MITD1: variants seen among roughly 807,000 people sequenced by gnomAD.
The protein encoded by MITD1 is microtubule interacting and trafficking domain containing 1, also known as MIT domain-containing protein 1.
A neutral mutation model predicts 34.9 loss-of-function variants in MITD1; 24 were observed. The observed-to-expected ratio is 0.69, with a 90% CI of 0.50 to 0.97. The LOEUF (loss-of-function observed/expected upper bound fraction) is 0.97, where lower values mean the gene tolerates loss of function less well. Ranked by LOEUF, MITD1 falls within the 50% of genes least tolerant of loss-of-function variation. MITD1 has a pLI of 0.00. For synonymous variants in MITD1, 102 were observed against 101.4 expected (o/e 1.01, Z -0.04); for missense variants, 266 against 294.6 (o/e 0.90, Z 0.71).
chr2:99,180,615 C>CTA (rs887496876), intron 1 of MITD1: 1 of 498,190 alleles, frequency 2.0e-6, no homozygotes, highest in Admixed American at 3.6e-5. Context: ...CTTTTAAAAT[C>CTA]TAGACTAGTA....
chr2:99,174,002 T>A lies in MITD1; in HGVS notation c.166A>T (p.Thr56Ser). The A allele has an allele frequency of 6.5e-7, 1 of 1,541,538 alleles. No homozygotes were observed. The highest frequency in any genetic ancestry group is 1.7e-5 in the Admixed American group (1 of 58,368). The change falls in exon 2 of 7, where the codon ACT becomes TCT. Residue 56 changes from threonine (T) to serine (S), a missense_variant. Transcript: ENST00000289359. Reference protein sequence around the residue: ...LQVLKGTKDNTKRCNLREKIS... With the variant: ...LQVLKGTKDNSKRCNLREKIS... ...TTTTCTCTGAGATTACATCTCTTAG[T>A]ATTATCTTTGGTACCTACAAATTTA... is the stretch of plus-strand genomic sequence containing the variant.
chr2:99,171,917 G>C (rs1361654622), intron 2 of MITD1: 3 of 378,294 alleles, frequency 7.9e-6, no homozygotes, highest in Non-Finnish European at 1.4e-5. Flanking sequence ...ACAGGTCCTT[G>C]AGCAAGATCC....
Position 99,181,058 on chromosome 2 carries a change from T to C in MITD1, c.-77A>G. ...GCTGCGCTTCCGGGAAGTGGTCATG[T>C]GATACCCAGGCGCCTGCGCTCTCTT... On this transcript the variant is annotated 5_prime_UTR_variant, in exon 1 of 7. Transcript: ENST00000289359. 6.6e-7 allele frequency: 1 copy of C among 1,517,584 alleles called. No homozygotes were observed. 94.0% of individuals were successfully genotyped at this position (1,517,584 alleles called of 1,614,324 possible). A position where few individuals can be genotyped will look rare whatever the true frequency, so the allele number is the denominator to read the frequency against.
Position 99,162,928 on chromosome 2 carries a change from G to C in MITD1, c.*4-710C>G, listed in dbSNP as rs201441847. 6.8e-6 allele frequency: 11 copies of C among 1,613,676 alleles called. No homozygotes were observed. In the East Asian group the frequency reaches 1.3e-4, roughly 20 times the overall value. On this transcript the variant is annotated intron_variant, in intron 7 of 7. Transcript: ENST00000422537. Reference sequence around the variant, plus strand: ...GATCATTGGTTGCCATTGGAAATACGTGACAAATTAAATTCAAGTCTTATT... The same window carrying C: ...GATCATTGGTTGCCATTGGAAATACCTGACAAATTAAATTCAAGTCTTATT...
chr2:99,174,459 GTTA>G (rs1254244141), intron 1 of MITD1, among the ~76,000 whole-genome samples: 1 of 152,104 alleles, frequency 6.6e-6, no homozygotes, highest in Admixed American at 6.5e-5. Flanking sequence ...CCACAAAAAT[GTTA>G]TTTTTGAATA....
At chr2:99,168,813 T>C (rs2093838996), downstream of MITD1, among the ~76,000 whole-genome samples, 1 of 151,980 alleles carries the variant, frequency 6.6e-6, no homozygotes, top group Non-Finnish European at 1.5e-5. Flanking sequence ...AGGGTCTGGC[T>C]CTGTCACCCA....
In MITD1 at chr2:99,171,294, G is replaced by T. The variant is rs775636887; in HGVS notation, c.477+49C>A. 1.4e-5 allele frequency: 20 copies of T among 1,384,640 alleles called. No homozygotes were observed. In the Admixed American group the frequency reaches 3.2e-4, roughly 22 times the overall value. The allele number at this position is 1,384,640 out of a possible 1,614,324, so 85.8% of individuals were successfully genotyped here. ...GTTCTCCTTGACTGGACTACATCTT[G>T]TAACTGAATAAAGTTAATAAGAAAG... On this transcript the variant is annotated intron_variant, in intron 4 of 6. Transcript: ENST00000289359.
downstream of MITD1, chr2:99,161,839 AGCAACT>A (rs2093795225): frequency 3.6e-6 from 3 of 842,642 alleles, no homozygotes. Context: ...AAAAGCCAAA[AGCAACT>A]GCACTGGATA....
rs148494673 is a variant in MITD1, at chr2:99,164,120, A to G, written c.*4-1902T>C. Among the ~76,000 whole-genome samples the G allele has an allele frequency of 6.6e-3, 1,007 of 152,206 alleles. 13 individuals carry two copies. The highest frequency in any genetic ancestry group is 0.023 in the African/African-American group (975 of 41,524). ...CCCAATTTGATATTTATAATTTTCA[A>G]CTTATGTATCTTTCTGCTGGTGTCA... is the stretch of plus-strand genomic sequence containing the variant. On this transcript the variant is annotated intron_variant, in intron 7 of 7. Transcript: ENST00000422537.
Position 99,169,549 on chromosome 2 carries a change from C to T in MITD1, c.654+1G>A, listed in dbSNP as rs956052372. ...CATTTACTCATAAGATTATATCCTA[C>T]CTGTGGTTTCTTAAAATAATCAAGT... is the stretch of plus-strand genomic sequence containing the variant. On this transcript the variant is annotated splice_donor_variant, in intron 6 of 6. Coordinates refer to ENST00000289359, the MANE Select transcript of MITD1 (RefSeq NM_138798.3). LOFTEE classifies it high-confidence loss of function. 1.2e-6 allele frequency: 2 copies of T among 1,608,022 alleles called. No individual in the cohort carries two copies. The highest frequency in any genetic ancestry group is 2.2e-5 in the East Asian group (1 of 44,756).
At chr2:99,167,968 C>G (rs1020837593), downstream of MITD1, among the ~76,000 whole-genome samples, 1 of 152,178 alleles carries the variant, frequency 6.6e-6, no homozygotes, top group African/African-American at 2.4e-5. Flanking sequence ...AAGGCTTGCC[C>G]AAGACCACTC....
At chr2:99,170,760 A>C (rs1348540450) in intron 4 of MITD1, 108 bp from the exon 5 acceptor site, 1 of 537,584 alleles carries the variant, frequency 1.9e-6, no homozygotes, top group African/African-American at 1.9e-5. Context: ...GAAATGTTCT[A>C]TACTAGTTTC....
intron 7 of MITD1, among the ~76,000 whole-genome samples, chr2:99,163,625 G>A (rs1419134817): frequency 1.3e-5 from 2 of 152,106 alleles, no homozygotes; most frequent in Non-Finnish European, 2.9e-5. Context: ...ACCATGCCCT[G>A]TCTGTTCATT....
At chr2:99,178,044 GTACTC>G (rs1325519697) in intron 1 of MITD1, among the ~76,000 whole-genome samples, 2 of 152,186 alleles carry the variant, frequency 1.3e-5, no homozygotes, top group Non-Finnish European at 2.9e-5. Flanking sequence ...TGGCTGAACA[GTACTC>G]TACTGTATAT....
chr2:99,168,162 A>G (rs1559175484), downstream of MITD1, among the ~76,000 whole-genome samples: 1 of 151,914 alleles, frequency 6.6e-6, no homozygotes, highest in Non-Finnish European at 1.5e-5. Context: ...TTATTTTGAG[A>G]TGGAGTTTTA....
chr2:99,168,610 A>G (rs2093837649), downstream of MITD1, among the ~76,000 whole-genome samples: 2 of 152,362 alleles, frequency 1.3e-5, no homozygotes, highest in African/African-American at 4.8e-5. Context: ...TGCCAGCCAA[A>G]GTGAATGAGC....
downstream of MITD1, among the ~76,000 whole-genome samples, chr2:99,165,058 A>G (rs1180812994): frequency 7.2e-6 from 1 of 139,678 alleles, no homozygotes; most frequent in Non-Finnish European, 1.6e-5. Flanking sequence ...ACACACACAC[A>G]CACATATATA....
At chr2:99,165,113 GCTGGAATA>G (rs2093822406), downstream of MITD1, among the ~76,000 whole-genome samples, 1 of 151,080 alleles carries the variant, frequency 6.6e-6, no homozygotes, top group East Asian at 1.9e-4. Context: ...TGTCACCTAG[GCTGGAATA>G]CAGAGGTATG....
At position 99,181,009 on chromosome 2, in the gene MITD1, C is replaced by A; in HGVS notation, c.-28G>T. On this transcript the variant is annotated 5_prime_UTR_variant, in exon 1 of 7. Transcript: ENST00000289359. ...TTCTGGAAGTTCTCCTCCGCCTCAA[C>A]CCAGGATGAAGTTGAGCGGGTCTGC... The A allele has an allele frequency of 6.2e-7, 1 of 1,605,802 alleles. No homozygotes were observed. The highest frequency in any genetic ancestry group is 8.5e-7 in the Non-Finnish European group (1 of 1,175,598).
Sources: gnomAD v4.1 joint callset for allele counts (sites outside exome capture counted in the v4.1 genomes callset) on GRCh38, gnomAD v4.1.1 for gene constraint, MANE v1.5 for transcripts, NCBI Gene and HGNC (gene_info 2026-07-23, HGNC 2026-07-21) for gene names.